The following MEAK7 variants were observed in gnomAD, a reference collection of about 807,000 sequenced individuals.
The protein encoded by MEAK7 is MTOR-associated protein MEAK7.
In MEAK7, 68 loss-of-function variants were observed where a neutral mutation model predicts 40.5. The observed-to-expected ratio is 1.68, with a 90% confidence interval of 1.38 to 2.06. The LOEUF is 2.06. MEAK7 is among the 30% of genes most tolerant of loss of function. The pLI is 0.00. For synonymous variants in MEAK7, 338 were observed against 231.9 expected, an observed-to-expected ratio of 1.46 and a Z score of -4.16; for missense variants, 918 against 580.5, an observed-to-expected ratio of 1.58 and a Z score of -5.98.
chr16:84,494,814 T>C (rs1306012411), intron 3 of MEAK7: 1 of 455,774 alleles, frequency 2.2e-6, no homozygotes, highest in East Asian at 6.9e-5. Context: ...TCCTCTAAAA[T>C]CCTTTCTCCA....
At chr16:84,485,830 C>T (rs568807325) in intron 5 of MEAK7, among the ~76,000 whole-genome samples, 5 of 151,970 alleles carry the variant, frequency 3.3e-5, no homozygotes, top group East Asian at 1.9e-4. Flanking sequence ...TACAGGCATG[C>T]GCCACCACAC....
At chr16:84,483,201 C>T (rs557755253) in intron 5 of MEAK7, among the ~76,000 whole-genome samples, 35 of 152,308 alleles carry the variant, frequency 2.3e-4, no homozygotes, top group African/African-American at 6.7e-4. Context: ...CCCAGGGGCA[C>T]GGCCTACGAA....
chr16:84,482,800 G>T, intron 5 of MEAK7, 90 bp from the exon 6 acceptor site: 2 of 1,556,932 alleles, frequency 1.3e-6, no homozygotes, highest in Non-Finnish European at 1.7e-6. Flanking sequence ...AGCTCAGGAA[G>T]CAACAGGGCC....
chr16:84,491,530 C>A (rs1913602769), intron 3 of MEAK7, among the ~76,000 whole-genome samples: 2 of 84,784 alleles, frequency 2.4e-5, no homozygotes, highest in Admixed American at 3.4e-4. Context: ...CGGAGCGAGA[C>A]CCTGTCTTAA....
chr16:84,489,819 C>A (rs1913415022), intron 3 of MEAK7, among the ~76,000 whole-genome samples: 1 of 152,106 alleles, frequency 6.6e-6, no homozygotes, highest in African/African-American at 2.4e-5. Context: ...GTTTTACTTG[C>A]TTCCAAAAAG....
intron 1 of MEAK7, among the ~76,000 whole-genome samples, chr16:84,501,334 G>T (rs1026946855): frequency 4.6e-5 from 7 of 151,930 alleles, no homozygotes; most frequent in Non-Finnish European, 8.8e-5. Context: ...GGGCACGTGG[G>T]GGAGGGCAGC....
intron 1 of MEAK7, chr16:84,504,234 C>T (rs772871340): frequency 6.6e-5 from 57 of 857,928 alleles, no homozygotes; most frequent in Non-Finnish European, 7.7e-5. Context: ...GACTCGCCTC[C>T]TCCGTGGAGG....
Position 84,486,838 on chromosome 16 carries a change from C to T in MEAK7, c.751G>A (p.Val251Ile). ...GGCAGCTGGGCGTTGATGTACATGA[C>T]AGAGAGGACATCCAGGATGCTCTCA... The part of the protein sequence containing the change: ...GFESILDVLS[V>I]MYINAQLPRE... Residue 251 changes from valine to isoleucine, a missense_variant, in exon 5 of 8, where the codon GTC becomes ATC. Coordinates refer to ENST00000343629, the MANE Select transcript of MEAK7 (RefSeq NM_020947.4). The T allele has an allele frequency of 6.2e-7, 1 of 1,614,162 alleles. No individual in the cohort carries two copies. The highest frequency in any genetic ancestry group is 2.2e-5 in the East Asian group (1 of 44,882).
intron 6 of MEAK7, among the ~76,000 whole-genome samples, chr16:84,481,665 G>A (rs1567486406): frequency 6.6e-6 from 1 of 152,202 alleles, no homozygotes; most frequent in Non-Finnish European, 1.5e-5. Context: ...TGGGCGCAGT[G>A]GCTCACGCCT....
intron 4 of MEAK7, among the ~76,000 whole-genome samples, chr16:84,488,655 G>A (rs949935304): frequency 1.3e-5 from 2 of 152,084 alleles, no homozygotes; most frequent in African/African-American, 4.8e-5. Context: ...GGAATTCACA[G>A]GCATGGAGAA....
intron 2 of MEAK7, among the ~76,000 whole-genome samples, chr16:84,496,577 G>A (rs78828950): frequency 4.6e-5 from 7 of 152,022 alleles, no homozygotes; most frequent in African/African-American, 9.7e-5. Flanking sequence ...TCCACTCATC[G>A]TGAGCCGTAT....
chr16:84,493,556 T>C (rs1913803940), intron 3 of MEAK7, among the ~76,000 whole-genome samples: 1 of 152,258 alleles, frequency 6.6e-6, no homozygotes. Context: ...AAGAAAACTT[T>C]CTCTTTTAAG....
intron 1 of MEAK7, 138 bp downstream of exon 1, chr16:84,504,463 C>T: frequency 2.3e-6 from 1 of 440,298 alleles, no homozygotes; most frequent in Non-Finnish European, 3.0e-6. Flanking sequence ...TCCCCCGACC[C>T]GAGGGCCTGA....
chr16:84,493,757 C>G (rs919334599), intron 3 of MEAK7, among the ~76,000 whole-genome samples: 37 of 152,170 alleles, frequency 2.4e-4, no homozygotes, highest in African/African-American at 8.7e-4. Flanking sequence ...ATTGGAAACA[C>G]TGGTTATTTC....
At chr16:84,497,477 G>C (rs970714776) in intron 2 of MEAK7, 2 of 1,290,240 alleles carry the variant, frequency 1.6e-6, no homozygotes, top group African/African-American at 3.0e-5. Context: ...ACGAGTCCAG[G>C]AGGGCAGACC....
Position 84,479,581 on chromosome 16 carries a change from G to A in MEAK7, c.*332C>T, listed in dbSNP as rs1314910690. ...AATTCCCTAATGCCAGCGGGGGTCT[G>A]AAAGGTCTCAGCTGCTTAGGATTTC... is the stretch of plus-strand genomic sequence containing the variant. On this transcript the variant is annotated 3_prime_UTR_variant, in exon 8 of 8. Transcript: ENST00000343629. 1 of 203,574 alleles carries A rather than the reference G, an allele frequency of 4.9e-6. No individual in the cohort carries two copies. The highest frequency in any genetic ancestry group is 9.8e-6 in the Non-Finnish European group (1 of 102,224). The allele number at this position is 203,574 out of a possible 1,614,324, so 12.6% of individuals were successfully genotyped here.
Position 84,495,829 on chromosome 16 carries a change from T to C in MEAK7, c.238A>G (p.Lys80Glu). 1 of 1,614,146 alleles carries C rather than the reference T, an allele frequency of 6.2e-7. No individual in the cohort carries two copies. The highest frequency in any genetic ancestry group is 1.3e-5 in the African/African-American group (1 of 75,030). ...MRRVDLTGKA[K>E]GPSENVSQEQ... is the part of the protein sequence containing the mutation. ...TGGGACACGTTCTCACTGGGTCCCT[T>C]CGCCTTCCCTGTCAGGTCGACCCTC... The change falls in exon 3 of 8, where the codon AAG (lysine) becomes GAG (glutamate). Residue 80 changes from lysine to glutamate, a missense_variant. Coordinates refer to ENST00000343629, the MANE Select transcript of MEAK7 (RefSeq NM_020947.4).
chr16:84,501,777 A>T (rs933840266), intron 1 of MEAK7, among the ~76,000 whole-genome samples: 2 of 152,176 alleles, frequency 1.3e-5, no homozygotes, highest in African/African-American at 4.8e-5. Context: ...GTACCTGCAG[A>T]GTGCTGGTGA....
At chr16:84,504,465 A>G in intron 1 of MEAK7, 136 bp downstream of exon 1, 1 of 419,018 alleles carries the variant, frequency 2.4e-6, no homozygotes, top group East Asian at 1.8e-4. Context: ...CCCCGACCCG[A>G]GGGCCTGAAG....
Sources: gnomAD v4.1 joint callset for allele counts (sites outside exome capture counted in the v4.1 genomes callset) on GRCh38, gnomAD v4.1.1 for gene constraint, MANE v1.5 for transcripts, NCBI Gene and HGNC (gene_info 2026-07-23, HGNC 2026-07-21) for gene names.